LRRC4C: variants seen among roughly 807,000 people sequenced by gnomAD.
LRRC4C encodes the protein leucine rich repeat containing 4C.
LRRC4C carries 5 observed loss-of-function variants against 33.6 expected under a neutral mutation model. The observed-to-expected ratio is 0.15, with a 90% CI of 0.08 to 0.31. LRRC4C has a LOEUF of 0.31. Among genes scored for constraint, LRRC4C ranks in the 10% least tolerant of loss-of-function variants. The pLI is 1.00. For synonymous variants in LRRC4C, 329 were observed against 302.0 expected, an observed-to-expected ratio of 1.09 and a Z score of -0.93; for missense variants, 560 against 796.7, an observed-to-expected ratio of 0.70 and a Z score of 3.58.
At position 40,311,064 on chromosome 11, in the gene LRRC4C, T is replaced by G. The variant is rs534452787; in HGVS notation, c.-176+8564A>C. On this transcript the variant is annotated intron_variant, in intron 4 of 6. Coordinates refer to ENST00000528697, the MANE Select transcript of LRRC4C (RefSeq NM_001258419.2). The stretch of plus-strand genomic sequence containing the variant: ...GCCAAAACAGAAAATATCTCCATAT[T>G]CTGTGCAACCATACTTTATCCTGTC... 6.7e-4 allele frequency among the ~76,000 whole-genome samples: 102 copies of G among 152,350 alleles called. 1 individual carries two copies. The highest frequency in any genetic ancestry group is 2.7e-3 in the Admixed American group (41 of 15,302).
At chr11:40,539,350 C>T (rs1346794896) in intron 3 of LRRC4C, among the ~76,000 whole-genome samples, 1 of 152,060 alleles carries the variant, frequency 6.6e-6, no homozygotes, top group Non-Finnish European at 1.5e-5. Context: ...TTCTCATATG[C>T]TTTTAGAATT....
intron 5 of LRRC4C, among the ~76,000 whole-genome samples, chr11:40,167,010 A>T (rs1249196350): frequency 6.6e-6 from 1 of 152,146 alleles, no homozygotes; most frequent in African/African-American, 2.4e-5. Flanking sequence ...ACCAGCATTG[A>T]TTCTACATTA....
intron 1 of LRRC4C, among the ~76,000 whole-genome samples, chr11:41,140,917 T>A (rs1943474706): frequency 6.6e-6 from 1 of 152,188 alleles, no homozygotes; most frequent in Admixed American, 6.5e-5. Context: ...ACAAGTGGTA[T>A]AGTTTTTCAT....
At chr11:40,221,992 T>C (rs1433356578) in intron 5 of LRRC4C, among the ~76,000 whole-genome samples, 1 of 152,176 alleles carries the variant, frequency 6.6e-6, no homozygotes, top group African/African-American at 2.4e-5. Flanking sequence ...AGGAGTTTTG[T>C]CTGCGGCTCG....
chr11:41,300,989 C>A (rs1390767037), intron 1 of LRRC4C, among the ~76,000 whole-genome samples: 1 of 152,078 alleles, frequency 6.6e-6, no homozygotes, highest in South Asian at 2.1e-4. Context: ...TAAATTTAAA[C>A]AATTTGAAGT....
intron 3 of LRRC4C, among the ~76,000 whole-genome samples, chr11:40,459,081 A>T (rs544710074): frequency 6.6e-6 from 1 of 152,292 alleles, no homozygotes; most frequent in South Asian, 2.1e-4. Flanking sequence ...TATGCTCTTC[A>T]TGTTGATTGT....
intron 3 of LRRC4C, among the ~76,000 whole-genome samples, chr11:40,378,762 T>A (rs1490360727): frequency 6.6e-6 from 1 of 152,110 alleles, no homozygotes; most frequent in African/African-American, 2.4e-5. Flanking sequence ...CACACACAAG[T>A]GAAGAGAAGA....
At chr11:41,391,109 G>T (rs1953574370) in intron 1 of LRRC4C, among the ~76,000 whole-genome samples, 1 of 151,784 alleles carries the variant, frequency 6.6e-6, no homozygotes, top group African/African-American at 2.4e-5. Context: ...TGGAAAAGTT[G>T]TTAAATCAGT....
chr11:41,169,767 G>A (rs979418295), intron 1 of LRRC4C, among the ~76,000 whole-genome samples: 2 of 152,036 alleles, frequency 1.3e-5, no homozygotes, highest in Non-Finnish European at 1.5e-5. Context: ...GCTTTATTAC[G>A]TTTGTTCTGT....
intron 1 of LRRC4C, among the ~76,000 whole-genome samples, chr11:41,286,667 G>GGCTA (rs1949838503): frequency 1.7e-5 from 1 of 57,370 alleles, no homozygotes; most frequent in African/African-American, 5.1e-5. Context: ...CCTACTATTA[G>GGCTA]ATCCTTAGTC....
intron 2 of LRRC4C, among the ~76,000 whole-genome samples, chr11:40,667,227 G>A (rs922294934): frequency 6.6e-6 from 1 of 152,072 alleles, no homozygotes; most frequent in African/African-American, 2.4e-5. Flanking sequence ...ACTATAAATT[G>A]GTGTTTTCAC....
At chr11:41,035,236 A>C (rs1258372847) in intron 1 of LRRC4C, among the ~76,000 whole-genome samples, 1 of 151,650 alleles carries the variant, frequency 6.6e-6, no homozygotes, top group Non-Finnish European at 1.5e-5. Flanking sequence ...TATATAAATA[A>C]ATAAAAAATG....
intron 1 of LRRC4C, among the ~76,000 whole-genome samples, chr11:41,432,880 G>A (rs181012448): frequency 2.0e-5 from 3 of 152,120 alleles, no homozygotes; most frequent in African/African-American, 7.2e-5. Context: ...TTTATAGTCT[G>A]CAGGAAGTTT....
At chr11:40,248,916 G>A (rs1866550692) in intron 4 of LRRC4C, among the ~76,000 whole-genome samples, 1 of 152,122 alleles carries the variant, frequency 6.6e-6, no homozygotes, top group Non-Finnish European at 1.5e-5. Flanking sequence ...GTCCCTAGTT[G>A]AAGACCACTG....
intron 1 of LRRC4C, among the ~76,000 whole-genome samples, chr11:40,988,748 G>T (rs1214406506): frequency 3.3e-5 from 4 of 122,168 alleles, no homozygotes; most frequent in African/African-American, 1.3e-4. Flanking sequence ...ACAGAGTGTC[G>T]TTAGGTCGCC....
intron 1 of LRRC4C, among the ~76,000 whole-genome samples, chr11:41,442,148 A>C (rs866024171): frequency 6.6e-4 from 101 of 152,126 alleles, no homozygotes; most frequent in African/African-American, 2.4e-3. Context: ...GCCATTTTTT[A>C]CCTTTATAAA....
intron 1 of LRRC4C, among the ~76,000 whole-genome samples, chr11:41,107,631 T>G (rs944513431): frequency 1.3e-5 from 2 of 152,088 alleles, no homozygotes; most frequent in Non-Finnish European, 2.9e-5. Flanking sequence ...TAAGTTTACA[T>G]TTATGAGATG....
chr11:41,344,855 A>G (rs1951754136), intron 1 of LRRC4C, among the ~76,000 whole-genome samples: 2 of 152,206 alleles, frequency 1.3e-5, no homozygotes, highest in Admixed American at 1.3e-4. Context: ...ATTAAATTGT[A>G]TGTTTGGAAA....
At chr11:41,025,419 T>C (rs745952684) in intron 1 of LRRC4C, among the ~76,000 whole-genome samples, 3 of 151,668 alleles carry the variant, frequency 2.0e-5, no homozygotes, top group African/African-American at 4.8e-5. Flanking sequence ...AAAGTTTTAG[T>C]GCTCTGTATA....
Sources: allele counts gnomAD v4.1 joint callset (sites outside exome capture counted in the v4.1 genomes callset), GRCh38; gene constraint gnomAD v4.1.1; transcripts MANE v1.5; gene names NCBI Gene and HGNC (gene_info 2026-07-23, HGNC 2026-07-21).